The following CSMD1 variants were observed in gnomAD, a reference collection of about 807,000 sequenced individuals.
CSMD1 encodes CUB and sushi domain-containing protein 1.
In CSMD1, 213 loss-of-function variants were observed where a neutral mutation model predicts 417.5. That is an observed-to-expected ratio of 0.51 (90% CI 0.46 to 0.57). CSMD1 has a LOEUF of 0.57. Ranked by LOEUF, CSMD1 falls within the 20% of genes least tolerant of loss-of-function variation. The pLI is 0.00. For synonymous variants in CSMD1, 2,862 were observed against 1,736.8 expected, an observed-to-expected ratio of 1.65 and a Z score of -16.11; for missense variants, 6,923 against 4,529.7, an observed-to-expected ratio of 1.53 and a Z score of -15.17.
intron 7 of CSMD1, among the ~76,000 whole-genome samples, chr8:3,638,902 G>T (rs985628086): frequency 5.9e-5 from 9 of 152,070 alleles, no homozygotes; most frequent in African/African-American, 1.9e-4. Context: ...AGTGAAGAAG[G>T]GACTCCGAAT....
intron 33 of CSMD1, among the ~76,000 whole-genome samples, chr8:3,199,314 A>G (rs150983088): frequency 6.6e-6 from 1 of 152,330 alleles, no homozygotes; most frequent in Non-Finnish European, 1.5e-5. Flanking sequence ...TTTTTATAAT[A>G]AAATGTGAAA....
chr8:4,047,287 G>A (rs1483588318), intron 3 of CSMD1, among the ~76,000 whole-genome samples: 2 of 152,098 alleles, frequency 1.3e-5, no homozygotes, highest in South Asian at 2.1e-4. Context: ...GAGGAAGGGA[G>A]GAAGGAGAGA....
At chr8:3,241,629 C>G (rs1799529951) in intron 26 of CSMD1, among the ~76,000 whole-genome samples, 2 of 152,138 alleles carry the variant, frequency 1.3e-5, no homozygotes, top group South Asian at 4.1e-4. Flanking sequence ...TAGGAGGAAT[C>G]CTGGGCTGCA....
intron 61 of CSMD1, among the ~76,000 whole-genome samples, chr8:2,961,576 T>C (rs888364109): frequency 1.3e-5 from 2 of 152,200 alleles, no homozygotes; most frequent in Admixed American, 1.3e-4. Flanking sequence ...TAATTGGCCA[T>C]CTCATTTGGT....
At chr8:3,888,509 C>T (rs918926486) in intron 5 of CSMD1, among the ~76,000 whole-genome samples, 14 of 152,188 alleles carry the variant, frequency 9.2e-5, no homozygotes, top group Non-Finnish European at 1.5e-4. Flanking sequence ...AAACACAAAG[C>T]GCTTTGCTGG....
chr8:4,745,529 C>T (rs540103585), intron 1 of CSMD1, among the ~76,000 whole-genome samples: 9 of 152,182 alleles, frequency 5.9e-5, no homozygotes, highest in African/African-American at 1.9e-4. Flanking sequence ...CCCATTCAGG[C>T]TTTTGTTTGT....
intron 5 of CSMD1, among the ~76,000 whole-genome samples, chr8:3,971,819 G>C (rs999063705): frequency 5.9e-5 from 9 of 152,176 alleles, no homozygotes; most frequent in African/African-American, 1.9e-4. Flanking sequence ...TTCTCTGTCT[G>C]TTGCATGAAT....
At position 4,054,090 on chromosome 8, in the gene CSMD1, T is replaced by C. The variant is rs1345078404; in HGVS notation, c.416-21991A>G. On this transcript the variant is annotated intron_variant, in intron 3 of 69. Coordinates refer to ENST00000635120, the MANE Select transcript of CSMD1 (RefSeq NM_033225.6). ...CCTATCTCTCTCTGTCGCAGTTCAC[T>C]ACACCAGCTGCTAATGGTCTCTAAG... Among the ~76,000 whole-genome samples the C allele has an allele frequency of 2.0e-5, 3 of 152,262 alleles. No individual in the cohort carries two copies. The East Asian group carries it at 5.8e-4, about 29-fold the overall frequency.
At position 3,448,325 on chromosome 8, in the gene CSMD1, G is replaced by A. The variant is rs775097067; in HGVS notation, c.1561+20387C>T. On this transcript the variant is annotated intron_variant, in intron 12 of 69. Transcript: ENST00000635120. ...GTGGGAAGGAAGGAAGGAAGGAAGGGAGCAAGGGAGGGAGGGAGGGAGGAA... is the reference window on the plus strand; with the variant it reads ...GTGGGAAGGAAGGAAGGAAGGAAGGAAGCAAGGGAGGGAGGGAGGGAGGAA... Among the ~76,000 whole-genome samples, 398 of 41,214 alleles carry A rather than the reference G, an allele frequency of 9.7e-3. 28 individuals are homozygous for A. Among genetic ancestry groups the A allele is most frequent in the Non-Finnish European group, 0.013 (289 of 23,070 alleles). The allele number at this position is 41,214 out of a possible 152,430, so 27.0% of individuals were successfully genotyped here. A position where few individuals can be genotyped will look rare whatever the true frequency, so the allele number is the denominator to read the frequency against.
intron 3 of CSMD1, among the ~76,000 whole-genome samples, chr8:4,318,720 A>C (rs1799087559): frequency 6.6e-6 from 1 of 151,628 alleles, no homozygotes; most frequent in South Asian, 2.1e-4. Context: ...TCTCAAAAAA[A>C]AAAAAAAGCC....
chr8:3,113,412 G>C (rs1816656679), intron 42 of CSMD1: 1 of 152,272 alleles, frequency 6.6e-6, no homozygotes, highest in African/African-American at 2.4e-5. Flanking sequence ...GACAGTGAAG[G>C]AGGGAATTGC....
In CSMD1 at chr8:3,419,511, T is replaced by A. The variant is rs1055650009; in HGVS notation, c.1562-9906A>T. Among the ~76,000 whole-genome samples the A allele has an allele frequency of 2.6e-4, 40 of 152,374 alleles. 1 individual carries two copies. The highest frequency in any genetic ancestry group is 3.4e-3 in the Middle Eastern group (1 of 294). On this transcript the variant is annotated intron_variant, in intron 12 of 69. Coordinates refer to ENST00000635120, the MANE Select transcript of CSMD1 (RefSeq NM_033225.6). The stretch of plus-strand genomic sequence containing the variant: ...ACTGATTTTTAATAAAAACTCTATG[T>A]ATTTGTGTTTGCCTGTCAGGAGGAG...
At chr8:4,530,592 G>A (rs10093337) in intron 2 of CSMD1, among the ~76,000 whole-genome samples, 13,075 of 150,782 alleles carry the variant, frequency 0.087, 1,810 homozygotes, top group African/African-American at 0.3. Context: ...AGGAACATGC[G>A]GTACTTGATT....
intron 1 of CSMD1, among the ~76,000 whole-genome samples, chr8:4,871,604 G>C (rs1802743734): frequency 6.6e-6 from 1 of 152,090 alleles, no homozygotes; most frequent in African/African-American, 2.4e-5. Context: ...TGGTTTTCAT[G>C]AAACAGTTGG....
In CSMD1 at chr8:4,777,159, A is replaced by C. The variant is rs552235619; in HGVS notation, c.86-139601T>G. The stretch of plus-strand genomic sequence containing the variant: ...CACATTGAGACGGATAATTAAACAC[A>C]GTCCATTTCAACTTCCTGTTTTACC... On this transcript the variant is annotated intron_variant, in intron 1 of 69. Transcript: ENST00000635120. Among the ~76,000 whole-genome samples, 6 of 152,330 alleles carry C rather than the reference A, an allele frequency of 3.9e-5. No homozygotes were observed. The South Asian group carries it at 1.2e-3, about 32-fold the overall frequency.
intron 1 of CSMD1, among the ~76,000 whole-genome samples, chr8:4,859,768 T>C (rs1401965461): frequency 6.6e-6 from 1 of 151,954 alleles, no homozygotes; most frequent in African/African-American, 2.4e-5. Flanking sequence ...CAACAGGTGC[T>C]GGAGAGGATG....
intron 16 of CSMD1, among the ~76,000 whole-genome samples, chr8:3,398,283 G>T (rs1811822614): frequency 6.6e-6 from 1 of 152,170 alleles, no homozygotes; most frequent in African/African-American, 2.4e-5. Context: ...AATACTTACA[G>T]AGTTAGTATT....
At chr8:4,421,964 A>G (rs1417813866) in intron 2 of CSMD1, among the ~76,000 whole-genome samples, 3 of 152,038 alleles carry the variant, frequency 2.0e-5, no homozygotes, top group African/African-American at 7.2e-5. Flanking sequence ...TTAAACATCA[A>G]ATATTACTAT....
rs1319081275 is a variant in CSMD1 at position 3,395,761 on chromosome 8, A to G, written c.2593+433T>C. Among the ~76,000 whole-genome samples, 6 of 152,152 alleles carry G rather than the reference A, an allele frequency of 3.9e-5. No individual in the cohort carries two copies. In the East Asian group the frequency reaches 1.2e-3, roughly 29 times the overall value. On this transcript the variant is annotated intron_variant, in intron 17 of 69. Transcript: ENST00000635120. ...TTCACCCAGTGAAACGTGTCTATCT[A>G]TACTCAGATTCGGTACCACAAATTG...
Sources: gnomAD v4.1 joint callset for allele counts (sites outside exome capture counted in the v4.1 genomes callset) on GRCh38, gnomAD v4.1.1 for gene constraint, MANE v1.5 for transcripts, NCBI Gene and HGNC (gene_info 2026-07-23, HGNC 2026-07-21) for gene names.